The following MMD2 variants were observed in gnomAD, a reference collection of about 807,000 sequenced individuals.
MMD2 encodes the protein monocyte to macrophage differentiation associated 2.
In MMD2, 30 loss-of-function variants were observed where a neutral mutation model predicts 33.5. That is an observed-to-expected ratio of 0.90 (90% CI 0.67 to 1.22). The LOEUF is 1.22. Among genes scored for constraint, MMD2 ranks in the 50% most tolerant of loss-of-function variants. MMD2 has a pLI of 0.00. For missense variants in MMD2, 364 were observed against 325.4 expected (o/e 1.12, Z -0.91); for synonymous variants, 129 against 123.0 (o/e 1.05, Z -0.32).
At chr7:4,928,875 G>C (rs552772561) in intron 1 of MMD2, among the ~76,000 whole-genome samples, 2 of 151,722 alleles carry the variant, frequency 1.3e-5, no homozygotes, top group Non-Finnish European at 2.9e-5. Flanking sequence ...TCCATGCTAA[G>C]TGCAGCTCAT....
intron 6 of MMD2, 170 bp downstream of exon 6, chr7:4,909,711 A>T (rs1784956356): frequency 1.2e-6 from 1 of 868,920 alleles, no homozygotes; most frequent in African/African-American, 1.7e-5. Flanking sequence ...ACTGGATTAT[A>T]GGCATGAGCC....
In MMD2 at chr7:4,959,061, G is replaced by A. The variant is rs1225460928; in HGVS notation, c.-44C>T. ...ATCTGGCCCCGGGCTCAGAGCGCGG[G>A]TAGCTGGCAGAGCCTGGGGGGCGCG... On this transcript the variant is annotated 5_prime_UTR_variant, in exon 1 of 7. Transcript: ENST00000401401. 8.0e-6 allele frequency: 10 copies of A among 1,245,806 alleles called. No individual in the cohort carries two copies. In the Admixed American group the frequency reaches 1.3e-4, roughly 16 times the overall value. The allele number at this position is 1,245,806 out of a possible 1,614,324, so 77.2% of individuals were successfully genotyped here.
At position 4,913,851 on chromosome 7, in the gene MMD2, C is replaced by T. The variant is rs55687835; in HGVS notation, c.365+2154G>A. ...TAATTTTTTGTATTTTTAGTAGAGA[C>T]GGGGTTTCACCGTGTTAGCCAGGAT... On this transcript the variant is annotated intron_variant, in intron 4 of 6. Transcript: ENST00000401401. Among the ~76,000 whole-genome samples, 63 of 151,336 alleles carry T rather than the reference C, an allele frequency of 4.2e-4. No individual in the cohort carries two copies. The East Asian group carries it at 7.8e-3, about 19-fold the overall frequency.
intron 1 of MMD2, among the ~76,000 whole-genome samples, chr7:4,926,095 C>T (rs1297534253): frequency 6.6e-6 from 1 of 151,836 alleles, no homozygotes; most frequent in Non-Finnish European, 1.5e-5. Flanking sequence ...CGTGAGATAC[C>T]ACGCCGGGCT....
chr7:4,896,658 A>G, the MMD2 span, among the ~76,000 whole-genome samples: 1 of 152,176 alleles, frequency 6.6e-6, no homozygotes, highest in Non-Finnish European at 1.5e-5. Flanking sequence ...TGAAAACCAC[A>G]AAAGACATAG....
chr7:4,940,993 C>G lies in MMD2; in HGVS notation c.48-15461G>C, dbSNP rs187293429. On this transcript the variant is annotated intron_variant, in intron 1 of 6. Transcript: ENST00000401401. This position sits in a 1 kb window ranked among gnomAD's most constrained non-coding sequence, Gnocchi z 5.0. ...CGTATCTCCAAAGCTAGGACCATCT[C>G]CCAGCCTCAGGAGGCTCCCAGATGC... 1.3e-5 allele frequency among the ~76,000 whole-genome samples: 2 copies of G among 152,270 alleles called. No homozygotes were observed. The highest frequency in any genetic ancestry group is 3.9e-4 in the East Asian group (2 of 5,170).
intron 1 of MMD2, among the ~76,000 whole-genome samples, chr7:4,944,154 A>G (rs1785985878): frequency 1.3e-5 from 2 of 151,628 alleles, no homozygotes; most frequent in Non-Finnish European, 2.9e-5. Flanking sequence ...ACACACCTGT[A>G]GTCCCAGCTA....
At chr7:4,934,490 T>C (rs1583385001) in intron 1 of MMD2, among the ~76,000 whole-genome samples, 1 of 152,210 alleles carries the variant, frequency 6.6e-6, no homozygotes, top group Admixed American at 6.5e-5. Flanking sequence ...GCCTCGACGG[T>C]GGGAAACTTC....
At chr7:4,918,051 G>A (rs1203278801) in intron 3 of MMD2, among the ~76,000 whole-genome samples, 2 of 152,156 alleles carry the variant, frequency 1.3e-5, no homozygotes, top group African/African-American at 2.4e-5. Context: ...CTACAACCCA[G>A]CACTAGCTCA....
intron 3 of MMD2, 79 bp downstream of exon 3, chr7:4,920,092 T>C: frequency 1.4e-6 from 2 of 1,457,802 alleles, no homozygotes; most frequent in Admixed American, 2.0e-5. Context: ...CCGGATATCC[T>C]GGTTCACCCC....
intron 1 of MMD2, among the ~76,000 whole-genome samples, chr7:4,947,996 C>A (rs1405731959): frequency 6.6e-6 from 1 of 152,110 alleles, no homozygotes; most frequent in Admixed American, 6.6e-5. Context: ...CCGCGCCCGG[C>A]CACTACACAC....
intron 4 of MMD2, among the ~76,000 whole-genome samples, chr7:4,915,652 A>C (rs1785120959): frequency 2.0e-5 from 3 of 151,928 alleles, no homozygotes; most frequent in African/African-American, 7.3e-5. Flanking sequence ...AGGCAGGAGA[A>C]TCGCTTCAAC....
At chr7:4,944,760 CTTTTT>C (rs142716643) in intron 1 of MMD2, among the ~76,000 whole-genome samples, 11 of 75,300 alleles carry the variant, frequency 1.5e-4, no homozygotes, top group Admixed American at 1.8e-4. Context: ...TCTTCTTCTT[CTTTTT>C]TTTTTTTTTT....
chr7:4,957,037 G>C (rs1318478681), intron 1 of MMD2, among the ~76,000 whole-genome samples: 2 of 151,954 alleles, frequency 1.3e-5, no homozygotes, highest in Non-Finnish European at 2.9e-5. Context: ...TTGGTGGCAG[G>C]CGCCTGTAGT....
At chr7:4,904,406 T>A (rs781208428), downstream of MMD2, among the ~76,000 whole-genome samples, 25 of 152,164 alleles carry the variant, frequency 1.6e-4, no homozygotes, top group Admixed American at 2.6e-4. Flanking sequence ...GGAAAATCAC[T>A]TCCAGAATGA....
rs750536371 is a variant in MMD2, at chr7:4,911,251, G to C, written c.366-5C>G. 1 of 1,577,004 alleles carries C rather than the reference G, an allele frequency of 6.3e-7. No individual in the cohort carries two copies. Among genetic ancestry groups the C allele is most frequent in the South Asian group, 1.2e-5 (1 of 85,926 alleles). ...CCCAGCTCCCGAAGGTTCAGCCTGG[G>C]AGAGAAAGAGCCAAGGCCATGGCCC... On this transcript the variant is annotated splice_polypyrimidine_tract_variant and splice_region_variant and intron_variant, in intron 4 of 6. Transcript: ENST00000401401.
intron 1 of MMD2, among the ~76,000 whole-genome samples, chr7:4,952,233 G>A (rs1015834628): frequency 6.6e-6 from 1 of 152,216 alleles, no homozygotes; most frequent in Non-Finnish European, 1.5e-5. Context: ...GGACATGTGG[G>A]GCCATCCCCT....
In MMD2 at chr7:4,946,095, A is replaced by G. The variant is rs57906495; in HGVS notation, c.47+12876T>C. Among the ~76,000 whole-genome samples, 21,030 of 151,024 alleles carry G rather than the reference A, an allele frequency of 0.14. 1,749 individuals carry two copies. Among genetic ancestry groups the G allele is most frequent in the Admixed American group, 0.23 (3,411 of 15,154 alleles). On this transcript the variant is annotated intron_variant, in intron 1 of 6. Coordinates refer to ENST00000401401, the MANE Select transcript of MMD2 (RefSeq NM_198403.4). The surrounding 1 kb of genome is among the most constrained non-coding windows in gnomAD (Gnocchi z 5.0). ...CACACGCACGCACACGCACGCACAC[A>G]CACGCATGCACACGCGCACACGCAC...
At chr7:4,911,098 G>T in intron 5 of MMD2, 47 bp downstream of exon 5, 1 of 1,463,520 alleles carries the variant, frequency 6.8e-7, no homozygotes, top group Non-Finnish European at 9.4e-7. Flanking sequence ...GGAGGCCAGA[G>T]CATCTAAGGG....
Sources: gnomAD v4.1 joint callset for allele counts (sites outside exome capture counted in the v4.1 genomes callset) on GRCh38, gnomAD v4.1.1 for gene constraint, Gnocchi (gnomAD v3.1) non-coding constraint, MANE v1.5 for transcripts, NCBI Gene and HGNC (gene_info 2026-07-23, HGNC 2026-07-21) for gene names.